CDH4: variants seen among roughly 807,000 people sequenced by gnomAD.
CDH4 encodes the protein cadherin 4.
A neutral mutation model predicts 86.0 loss-of-function variants in CDH4; 33 were observed. The ratio of observed to expected loss-of-function variants is 0.38; its 90% confidence interval spans 0.29 to 0.51. CDH4 has a LOEUF of 0.51. Among genes scored for constraint, CDH4 ranks in the 20% least tolerant of loss-of-function variants. The pLI is 0.86. For missense variants in CDH4, 1,114 were observed against 1,307.4 expected, an observed-to-expected ratio of 0.85 and a Z score of 2.28; for synonymous variants, 555 against 549.4, an observed-to-expected ratio of 1.01 and a Z score of -0.14.
intron 4 of CDH4, among the ~76,000 whole-genome samples, chr20:61,797,932 C>T (rs887621917): frequency 3.9e-5 from 6 of 152,222 alleles, no homozygotes; most frequent in East Asian, 1.9e-4. Context: ...GGGCAAGCTG[C>T]GGGCCTCACG....
intron 2 of CDH4, among the ~76,000 whole-genome samples, chr20:61,626,295 T>A (rs2145781349): frequency 6.6e-6 from 1 of 152,242 alleles, no homozygotes. Context: ...GGAGGCGACC[T>A]CTGCACCCTC....
chr20:61,653,590 G>T (rs2087151012), intron 2 of CDH4, among the ~76,000 whole-genome samples: 1 of 143,774 alleles, frequency 7.0e-6, no homozygotes, highest in Non-Finnish European at 1.6e-5. Flanking sequence ...CTCCCGGACG[G>T]GGTGGCTGCC....
chr20:61,858,189 GTGTGTCTCTGTGTCTATA>G (rs1187408259), intron 6 of CDH4, among the ~76,000 whole-genome samples: 1 of 149,926 alleles, frequency 6.7e-6, no homozygotes, highest in African/African-American at 2.5e-5. Context: ...GTGTCTCTGT[GTGTGTCTCTGTGTCTATA>G]TGTGTGTCTG....
intron 2 of CDH4, among the ~76,000 whole-genome samples, chr20:61,481,733 C>T (rs2085569449): frequency 1.3e-5 from 2 of 152,188 alleles, no homozygotes; most frequent in Admixed American, 6.5e-5. Flanking sequence ...GTTAAAAATG[C>T]AATAACAATT....
chr20:61,492,714 G>A (rs1049204571), intron 2 of CDH4, among the ~76,000 whole-genome samples: 2 of 152,180 alleles, frequency 1.3e-5, no homozygotes, highest in Non-Finnish European at 2.9e-5. Flanking sequence ...GTGGGGGCCA[G>A]GCATATAATG....
At chr20:61,925,574 C>T (rs906690328) in intron 11 of CDH4, among the ~76,000 whole-genome samples, 4 of 152,232 alleles carry the variant, frequency 2.6e-5, no homozygotes, top group Non-Finnish European at 2.9e-5. Context: ...GAGTGCCTGC[C>T]GCTGCTCATC....
At chr20:61,373,682 A>G (rs1366066028) in intron 2 of CDH4, among the ~76,000 whole-genome samples, 1 of 152,090 alleles carries the variant, frequency 6.6e-6, no homozygotes. Flanking sequence ...CCTTGGGCTG[A>G]TTGTGTGGGA....
At chr20:61,557,198 G>A (rs140580628) in intron 2 of CDH4, among the ~76,000 whole-genome samples, 3 of 152,300 alleles carry the variant, frequency 2.0e-5, no homozygotes, top group Non-Finnish European at 2.9e-5. Flanking sequence ...TCTCTAAAGG[G>A]CCAAGGAGTA....
chr20:61,315,244 A>G (rs1396535769), intron 2 of CDH4, among the ~76,000 whole-genome samples: 1 of 152,154 alleles, frequency 6.6e-6, no homozygotes, highest in Non-Finnish European at 1.5e-5. Flanking sequence ...TGAGATGCTC[A>G]TGGCTTTCTG....
chr20:61,549,655 G>A (rs557442667), intron 2 of CDH4, among the ~76,000 whole-genome samples: 2 of 152,332 alleles, frequency 1.3e-5, no homozygotes, highest in East Asian at 3.9e-4. Flanking sequence ...AGCACGTGCT[G>A]GGAGACTAAA....
chr20:61,926,710 A>G (rs2055048174), intron 11 of CDH4, among the ~76,000 whole-genome samples: 1 of 152,090 alleles, frequency 6.6e-6, no homozygotes, highest in Non-Finnish European at 1.5e-5. Flanking sequence ...GTCTTTACTA[A>G]AAAAATACAA....
At chr20:61,567,512 C>T (rs922907481) in intron 2 of CDH4, among the ~76,000 whole-genome samples, 3 of 152,190 alleles carry the variant, frequency 2.0e-5, no homozygotes, top group South Asian at 2.1e-4. Context: ...AGGGCTCCAC[C>T]CTGGGCCCCT....
chr20:61,685,759 C>T (rs2145864123), intron 2 of CDH4, among the ~76,000 whole-genome samples: 1 of 152,370 alleles, frequency 6.6e-6, no homozygotes, highest in Middle Eastern at 3.4e-3. Flanking sequence ...TCCTGGACTC[C>T]AGTCCTCACG....
At chr20:61,719,976 T>C (rs1211083992) in intron 2 of CDH4, among the ~76,000 whole-genome samples, 1 of 152,208 alleles carries the variant, frequency 6.6e-6, no homozygotes, top group African/African-American at 2.4e-5. Context: ...GCACCGCAGT[T>C]ACCACTTTGC....
At chr20:61,597,734 A>G (rs925234730) in intron 2 of CDH4, among the ~76,000 whole-genome samples, 2 of 152,114 alleles carry the variant, frequency 1.3e-5, no homozygotes, top group Non-Finnish European at 2.9e-5. Context: ...CTCACAGGAG[A>G]GGGGCAGGGT....
chr20:61,607,023 G>A (rs2086651057), intron 2 of CDH4, among the ~76,000 whole-genome samples: 1 of 152,216 alleles, frequency 6.6e-6, no homozygotes, highest in South Asian at 2.1e-4. Flanking sequence ...GCCGGTCTGT[G>A]GTGGGTGACA....
At chr20:61,651,311 C>G (rs1007469280) in intron 2 of CDH4, among the ~76,000 whole-genome samples, 2 of 152,228 alleles carry the variant, frequency 1.3e-5, no homozygotes, top group African/African-American at 4.8e-5. Flanking sequence ...GACGAGTGCC[C>G]CTTCTGTGCC....
chr20:61,282,805 T>C lies in CDH4; in HGVS notation c.169+27868T>C, dbSNP rs570164659. Among the ~76,000 whole-genome samples, 3 of 152,358 alleles carry C rather than the reference T, an allele frequency of 2.0e-5. No individual in the cohort carries two copies. In the East Asian group the frequency reaches 5.8e-4, roughly 29 times the overall value. ...TGTGTGAAGGAGTGCATGAGAGTGG[T>C]GCATGGCTGTGGTGTGCACGTGTGT... On this transcript the variant is annotated intron_variant, in intron 2 of 15. Coordinates refer to ENST00000614565, the MANE Select transcript of CDH4 (RefSeq NM_001794.5).
chr20:61,296,615 A>G (rs2084356503), intron 2 of CDH4, among the ~76,000 whole-genome samples: 1 of 152,146 alleles, frequency 6.6e-6, no homozygotes, highest in Non-Finnish European at 1.5e-5. Context: ...TGTTATCGAT[A>G]CAATTAGAAT....
Sources: allele counts gnomAD v4.1 joint callset (sites outside exome capture counted in the v4.1 genomes callset), GRCh38; gene constraint gnomAD v4.1.1; transcripts MANE v1.5; gene names NCBI Gene and HGNC (gene_info 2026-07-23, HGNC 2026-07-21).